Variants in ANK2 observed in about 807,000 individuals in gnomAD.
ANK2 encodes the protein ankyrin-2.
ANK2 carries 83 observed loss-of-function variants against 360.5 expected under a neutral mutation model. The ratio of observed to expected loss-of-function variants is 0.23; its 90% CI spans 0.19 to 0.28. The LOEUF is 0.28. Among genes scored for constraint, ANK2 ranks in the 10% least tolerant of loss-of-function variants. The probability of loss-of-function intolerance (pLI) is 1.00; values close to 1 mark genes in which losing one functional copy is unlikely to be tolerated. For missense variants in ANK2, 4,201 were observed against 4,795.7 expected (o/e 0.88, Z 3.66); for synonymous variants, 1,740 against 1,759.5 (o/e 0.99, Z 0.28).
intron 2 of ANK2, among the ~76,000 whole-genome samples, chr4:112,962,609 G>A (rs571645885): frequency 4.6e-5 from 7 of 152,258 alleles, no homozygotes; most frequent in Non-Finnish European, 8.8e-5. Flanking sequence ...AGTCCTTTTA[G>A]AAATCTCCAA....
chr4:113,197,549 T>C (rs2098766407), intron 3 of ANK2, among the ~76,000 whole-genome samples: 1 of 152,202 alleles, frequency 6.6e-6, no homozygotes. Flanking sequence ...CTCTGGTCTC[T>C]AGATGGGACA....
At chr4:112,789,523 C>A in the ANK2 span, among the ~76,000 whole-genome samples, 1 of 152,034 alleles carries the variant, frequency 6.6e-6, no homozygotes, top group African/African-American at 2.4e-5. Flanking sequence ...GCTGTAGGAG[C>A]ACAAAAATAA....
At chr4:113,197,301 C>A (rs2098762227) in intron 3 of ANK2, among the ~76,000 whole-genome samples, 1 of 152,176 alleles carries the variant, frequency 6.6e-6, no homozygotes, top group South Asian at 2.1e-4. Context: ...GCACGGGACG[C>A]TTGGCAAACC....
At chr4:113,074,983 C>A in intron 1 of ANK2, among the ~76,000 whole-genome samples, 1 of 152,152 alleles carries the variant, frequency 6.6e-6, no homozygotes, top group Non-Finnish European at 1.5e-5. Context: ...ACTTTAGTAT[C>A]TTGCTATTTG....
At chr4:112,901,931 C>A (rs2083549488) in intron 1 of ANK2, among the ~76,000 whole-genome samples, 1 of 151,146 alleles carries the variant, frequency 6.6e-6, no homozygotes, top group Non-Finnish European at 1.5e-5. Flanking sequence ...AGTTATTCAA[C>A]AGCCAGGGGC....
chr4:112,740,724 A>G, the ANK2 span, among the ~76,000 whole-genome samples: 1 of 151,754 alleles, frequency 6.6e-6, no homozygotes, highest in Non-Finnish European at 1.5e-5. Context: ...AAAAAAAATT[A>G]TTGTAGATGC....
chr4:112,974,445 T>C (rs2040648586), intron 2 of ANK2, among the ~76,000 whole-genome samples: 1 of 152,204 alleles, frequency 6.6e-6, no homozygotes, highest in Non-Finnish European at 1.5e-5. Flanking sequence ...TGGTATTCCA[T>C]TTAGATAATC....
intron 2 of ANK2, among the ~76,000 whole-genome samples, chr4:112,993,452 G>A (rs1324893985): frequency 2.0e-5 from 3 of 150,920 alleles, no homozygotes; most frequent in Non-Finnish European, 1.5e-5. Flanking sequence ...CAGGTAGCCC[G>A]CCACCATGCC....
At chr4:112,972,567 T>C (rs2039908244) in intron 2 of ANK2, among the ~76,000 whole-genome samples, 2 of 151,926 alleles carry the variant, frequency 1.3e-5, no homozygotes, top group South Asian at 4.2e-4. Context: ...AGGGCCTGGG[T>C]GAGAAGGTTT....
Position 112,877,805 on chromosome 4 carries a change from TCTTAATGCTGGAGGTAAAACCTCCAC to T in ANK2, c.-39-26646_-39-26621del, listed in dbSNP as rs561374781. On this transcript the variant is annotated intron_variant, in intron 1 of 30. Transcript: ENST00000503271. ...CACTGCAATTTACCTTTTACCTCCA[TCTTAATGCTGGAGGTAAAACCTCCAC>T]CTTGGATTCTCCACCTAGCTAAAAT... 3.9e-5 allele frequency among the ~76,000 whole-genome samples: 6 copies of T among 152,304 alleles called. No individual in the cohort carries two copies. The East Asian group carries it at 1.2e-3, about 29-fold the overall frequency.
chr4:112,793,409 T>G, the ANK2 span, among the ~76,000 whole-genome samples: 1 of 152,114 alleles, frequency 6.6e-6, no homozygotes, highest in East Asian at 1.9e-4. Flanking sequence ...TTCAGAGAAT[T>G]TAATGATACT....
chr4:113,087,356 T>A (rs2085366314), intron 1 of ANK2, among the ~76,000 whole-genome samples: 1 of 152,166 alleles, frequency 6.6e-6, no homozygotes, highest in Admixed American at 6.5e-5. Flanking sequence ...GAGATGAGGG[T>A]GGAAAATAGG....
intron 35 of ANK2, 84 bp downstream of exon 35, chr4:113,346,106 G>A: frequency 6.6e-7 from 1 of 1,518,480 alleles, no homozygotes; most frequent in South Asian, 1.1e-5. Context: ...CAAAAGTAAT[G>A]GCAAAAACAG....
intron 1 of ANK2, among the ~76,000 whole-genome samples, chr4:113,095,886 G>C (rs74542586): frequency 0.026 from 4,006 of 152,230 alleles, 90 homozygotes; most frequent in Non-Finnish European, 0.039. Flanking sequence ...GAGCCACTTC[G>C]TTGGCTGCCA....
At chr4:112,819,144 T>C (rs932825273) in intron 1 of ANK2, among the ~76,000 whole-genome samples, 5 of 150,886 alleles carry the variant, frequency 3.3e-5, no homozygotes, top group African/African-American at 7.4e-5. Context: ...TTTCTCTTCC[T>C]CCTGAGCATA....
chr4:112,827,613 C>G, intron 1 of ANK2: 2 of 883,636 alleles, frequency 2.3e-6, no homozygotes, highest in Non-Finnish European at 3.8e-6. Flanking sequence ...AGGGACCACT[C>G]TACTCTCCAT....
chr4:113,336,101 C>G (rs181813502), intron 30 of ANK2, 44 bp downstream of exon 30: 1 of 1,592,314 alleles, frequency 6.3e-7, no homozygotes, highest in Admixed American at 1.7e-5. Context: ...GGATTGTATT[C>G]TAATGATTAA....
chr4:113,345,785 A>T, intron 34 of ANK2, 115 bp from the exon 35 acceptor site: 1 of 1,366,530 alleles, frequency 7.3e-7, no homozygotes, highest in South Asian at 1.2e-5. Context: ...AAATCCTTTG[A>T]GTTCTTACCT....
At chr4:113,038,221 A>G (rs1285186128) in intron 2 of ANK2, among the ~76,000 whole-genome samples, 7 of 152,046 alleles carry the variant, frequency 4.6e-5, no homozygotes, top group Non-Finnish European at 7.4e-5. Flanking sequence ...CTGTAGTTTA[A>G]TATGAAAGAA....
Sources: gnomAD v4.1 joint callset for allele counts (sites outside exome capture counted in the v4.1 genomes callset) on GRCh38, gnomAD v4.1.1 for gene constraint, MANE v1.5 for transcripts, NCBI Gene and HGNC (gene_info 2026-07-23, HGNC 2026-07-21) for gene names.